REEP3: variants seen among roughly 807,000 people sequenced by gnomAD.
REEP3 encodes the protein receptor expression-enhancing protein 3.
A neutral mutation model predicts 41.3 loss-of-function variants in REEP3; 20 were observed. That is an observed-to-expected ratio of 0.48 (90% confidence interval 0.34 to 0.70). The LOEUF (loss-of-function observed/expected upper bound fraction) is 0.70. REEP3 is among the 30% of genes least tolerant of loss of function. The pLI, the probability that REEP3 is intolerant of heterozygous loss-of-function variation, is 0.01. For missense variants in REEP3, 271 were observed against 308.8 expected (o/e 0.88, Z 0.92); for synonymous variants, 104 against 101.8 (o/e 1.02, Z -0.13).
Position 63,622,091 on chromosome 10 carries a change from T to C in REEP3, c.*1222T>C, listed in dbSNP as rs561854605. Reference sequence around the variant, plus strand: ...ACTGATAACTATGCATTATGAACCCTAAGTCAATATATTTTTGGTGGTTTT... The same window carrying C: ...ACTGATAACTATGCATTATGAACCCCAAGTCAATATATTTTTGGTGGTTTT... On this transcript the variant is annotated 3_prime_UTR_variant, in exon 8 of 8. Coordinates refer to ENST00000373758, the MANE Select transcript of REEP3 (RefSeq NM_001001330.3). The C allele has an allele frequency of 6.6e-6, 1 of 152,346 alleles. No homozygotes were observed. Among genetic ancestry groups the C allele is most frequent in the Non-Finnish European group, 1.5e-5 (1 of 68,022 alleles). The allele number at this position is 152,346 out of a possible 1,614,324, so 9.4% of individuals were successfully genotyped here.
chr10:63,584,042 G>A (rs377025810), intron 2 of REEP3, among the ~76,000 whole-genome samples: 1 of 152,130 alleles, frequency 6.6e-6, no homozygotes, highest in Admixed American at 6.5e-5. Flanking sequence ...ACTGAGGTCA[G>A]GGTTGAGATA....
intron 1 of REEP3, among the ~76,000 whole-genome samples, chr10:63,557,187 A>C (rs1176109528): frequency 6.6e-6 from 1 of 152,202 alleles, no homozygotes; most frequent in Non-Finnish European, 1.5e-5. Context: ...TACTGCCTAC[A>C]ATAGCCTAGT....
intron 2 of REEP3, among the ~76,000 whole-genome samples, chr10:63,578,527 T>C (rs1955917976): frequency 6.6e-6 from 1 of 152,104 alleles, no homozygotes; most frequent in African/African-American, 2.4e-5. Context: ...TCTCAGCACT[T>C]TGGGAGGCCG....
At position 63,623,068 on chromosome 10, in the gene REEP3, C is replaced by T. The variant is rs868860680; in HGVS notation, c.*2199C>T. ...CCTATTCTTTAGTAAACTCATATTACTGTTCTAAATTGAAGAAATTATTTA... is the reference window on the plus strand; with the variant it reads ...CCTATTCTTTAGTAAACTCATATTATTGTTCTAAATTGAAGAAATTATTTA... On this transcript the variant is annotated 3_prime_UTR_variant, in exon 8 of 8. Transcript: ENST00000373758. 1.3e-5 allele frequency: 2 copies of T among 152,192 alleles called. No individual in the cohort carries two copies. The highest frequency in any genetic ancestry group is 4.8e-5 in the African/African-American group (2 of 41,458). The allele number at this position is 152,192 out of a possible 1,614,324, so 9.4% of individuals were successfully genotyped here. A position where few individuals can be genotyped will look rare whatever the true frequency, so the allele number is the denominator to read the frequency against.
At chr10:63,578,554 C>A (rs1052665949) in intron 2 of REEP3, among the ~76,000 whole-genome samples, 1 of 152,048 alleles carries the variant, frequency 6.6e-6, no homozygotes, top group East Asian at 1.9e-4. Flanking sequence ...ATGGATCAAT[C>A]GCTTGAGTCC....
chr10:63,545,680 G>GTTTTTTTTT (rs55779021), intron 1 of REEP3, among the ~76,000 whole-genome samples: 2 of 55,412 alleles, frequency 3.6e-5, no homozygotes, highest in Non-Finnish European at 6.3e-5. Flanking sequence ...GCCAACTTCT[G>GTTTTTTTTT]TTTTTTTTTT....
At chr10:63,545,976 G>A (rs1433344808) in intron 1 of REEP3, among the ~76,000 whole-genome samples, 1 of 152,194 alleles carries the variant, frequency 6.6e-6, no homozygotes, top group Non-Finnish European at 1.5e-5. Context: ...TAAAGGTGAA[G>A]GCATTAGCCA....
chr10:63,610,085 C>G (rs933896774), intron 5 of REEP3, 102 bp from the exon 6 acceptor site: 1 of 1,032,576 alleles, frequency 9.7e-7, no homozygotes, highest in Non-Finnish European at 1.4e-6. Context: ...TTGTACAATT[C>G]TTTCAGCTTT....
At chr10:63,561,154 T>C (rs546113472) in intron 1 of REEP3, among the ~76,000 whole-genome samples, 7 of 152,214 alleles carry the variant, frequency 4.6e-5, no homozygotes, top group African/African-American at 7.2e-5. Context: ...CATATATGTA[T>C]AGTATCAACT....
intron 1 of REEP3, among the ~76,000 whole-genome samples, chr10:63,558,491 G>A (rs555598402): frequency 2.0e-5 from 3 of 152,196 alleles, no homozygotes; most frequent in South Asian, 2.1e-4. Context: ...TATACTCTTC[G>A]ATAAGAGGCT....
rs59658061 is a variant in REEP3, at chr10:63,589,785, CTTTT to C, written c.106-4970_106-4967del. On this transcript the variant is annotated intron_variant, in intron 2 of 7. Transcript: ENST00000373758. ...TAATGTACTAAGAACAGCAGAACAT[CTTTT>C]TTTTTTTTTTTTTTTTTTTTTTGGA... Among the ~76,000 whole-genome samples the C allele has an allele frequency of 4.0e-3, 320 of 80,808 alleles. 1 individual carries two copies. The highest frequency in any genetic ancestry group is 0.014 in the African/African-American group (307 of 21,258). 53.0% of individuals were successfully genotyped at this position (80,808 alleles called of 152,430 possible).
At chr10:63,616,185 A>C (rs1473779768) in intron 6 of REEP3, among the ~76,000 whole-genome samples, 1 of 152,184 alleles carries the variant, frequency 6.6e-6, no homozygotes, top group African/African-American at 2.4e-5. Context: ...CTAGCCATAC[A>C]GAATCATGAC....
chr10:63,572,059 C>T (rs1398929625), intron 2 of REEP3, among the ~76,000 whole-genome samples: 1 of 152,178 alleles, frequency 6.6e-6, no homozygotes, highest in Non-Finnish European at 1.5e-5. Flanking sequence ...GAAGGACAAT[C>T]AGGCAGCTTA....
intron 6 of REEP3, among the ~76,000 whole-genome samples, chr10:63,614,271 G>A (rs1381345637): frequency 2.6e-5 from 4 of 152,174 alleles, no homozygotes; most frequent in Non-Finnish European, 5.9e-5. Flanking sequence ...AACTGTTTCA[G>A]TTATCTAGTT....
chr10:63,611,370 A>G (rs147235348), intron 6 of REEP3, among the ~76,000 whole-genome samples: 301 of 152,364 alleles, frequency 2.0e-3, no homozygotes, highest in African/African-American at 6.9e-3. Context: ...ATTTGAAAAT[A>G]AGATTACTCC....
At chr10:63,598,483 C>CAAA (rs59559921) in intron 4 of REEP3, among the ~76,000 whole-genome samples, 11 of 65,812 alleles carry the variant, frequency 1.7e-4, no homozygotes, top group Non-Finnish European at 2.4e-4. Flanking sequence ...GACTCCATCT[C>CAAA]AAAAAAAAAA....
At chr10:63,553,470 T>G (rs1239363721) in intron 1 of REEP3, among the ~76,000 whole-genome samples, 2 of 152,156 alleles carry the variant, frequency 1.3e-5, no homozygotes, top group African/African-American at 4.8e-5. Context: ...CTTAAAAGAT[T>G]GTTTGAAAGC....
At chr10:63,560,257 A>G (rs933107776) in intron 1 of REEP3, among the ~76,000 whole-genome samples, 11 of 152,200 alleles carry the variant, frequency 7.2e-5, no homozygotes, top group African/African-American at 2.2e-4. Context: ...TTAAAAACAG[A>G]TTAAATCCTT....
intron 5 of REEP3, among the ~76,000 whole-genome samples, chr10:63,601,366 A>G (rs185874156): frequency 5.5e-4 from 84 of 152,260 alleles, no homozygotes; most frequent in African/African-American, 2.0e-3. Context: ...AGATTTACCT[A>G]CTGGTTATCT....
Sources: allele counts gnomAD v4.1 joint callset (sites outside exome capture counted in the v4.1 genomes callset), GRCh38; gene constraint gnomAD v4.1.1; transcripts MANE v1.5; gene names NCBI Gene and HGNC (gene_info 2026-07-23, HGNC 2026-07-21).